The following POLR1B variants were observed in gnomAD, a reference collection of about 807,000 sequenced individuals.
The protein encoded by POLR1B is RNA polymerase I subunit B.
In POLR1B, 30 loss-of-function variants were observed where a neutral mutation model predicts 105.8. That is an observed-to-expected ratio of 0.28 (90% CI 0.21 to 0.38). The LOEUF is 0.38. Among genes scored for constraint, POLR1B ranks in the 10% least tolerant of loss-of-function variants. The pLI is 1.00. For synonymous variants in POLR1B, 485 were observed against 505.1 expected, an observed-to-expected ratio of 0.96 and a Z score of 0.53; for missense variants, 976 against 1,435.8, an observed-to-expected ratio of 0.68 and a Z score of 5.17.
Position 112,550,994 on chromosome 2 carries a change from G to T in POLR1B, c.754G>T (p.Ala252Ser), listed in dbSNP as rs759064530. 1 of 1,613,422 alleles carries T rather than the reference G, an allele frequency of 6.2e-7. No homozygotes were observed. The highest frequency in any genetic ancestry group is 8.5e-7 in the Non-Finnish European group (1 of 1,179,374). ...KELFFLPLGF[A>S]LKALVSFSDY... ...ACTGTTCTTTCTTCCTTTGGGATTT[G>T]CACTTAAGGTATGACTTAATGAATG... The change falls in exon 5 of 15, where the codon GCA (alanine) becomes TCA (serine). Residue 252 changes from alanine (A) to serine (S), a missense_variant. By Grantham distance (99) the Ala-to-Ser change is moderately conservative. Transcript: ENST00000263331.
chr2:112,544,534 T>C (rs552012131), intron 1 of POLR1B, among the ~76,000 whole-genome samples: 1 of 152,356 alleles, frequency 6.6e-6, no homozygotes, highest in Non-Finnish European at 1.5e-5. Context: ...TTATTAAAAA[T>C]CTTTTTAATG....
chr2:112,574,160 T>A (rs1422100692), intron 14 of POLR1B, among the ~76,000 whole-genome samples: 2 of 152,204 alleles, frequency 1.3e-5, no homozygotes, highest in East Asian at 1.9e-4. Flanking sequence ...GTGCTTTTTT[T>A]AAAAACTGTA....
chr2:112,575,577 CCTT>C lies in POLR1B; in HGVS notation c.3260_3262del (p.Ser1087del). On this transcript the variant is annotated inframe_deletion, in exon 15 of 15. Transcript: ENST00000263331. This position sits in a 1 kb window ranked among gnomAD's most constrained non-coding sequence, Gnocchi z 5.3. ...CTCTCCACTGTTGGAGAAGCCACCCCCTTCTTGGTCTGCCATGCGCAACAGAAA... is the reference window on the plus strand; with the variant it reads ...CTCTCCACTGTTGGAGAAGCCACCCCCTTGGTCTGCCATGCGCAACAGAAA... 1 of 1,614,162 alleles carries C rather than the reference CCTT, an allele frequency of 6.2e-7. No individual in the cohort carries two copies. The highest frequency in any genetic ancestry group is 8.5e-7 in the Non-Finnish European group (1 of 1,180,028).
At chr2:112,564,207 C>A in intron 9 of POLR1B, 159 bp from the exon 10 acceptor site, 1 of 793,898 alleles carries the variant, frequency 1.3e-6, no homozygotes, top group South Asian at 2.7e-5. Context: ...CTTGAAATAT[C>A]TGAAGTGCAG....
chr2:112,567,996 G>C lies in POLR1B; in HGVS notation c.1776G>C (p.Trp592Cys). The C allele has an allele frequency of 6.2e-7, 1 of 1,614,004 alleles. No homozygotes were observed. Residue 592 changes from tryptophan to cysteine, a missense_variant, in exon 11 of 15, where the codon TGG becomes TGC. Transcript: ENST00000263331. ...KVLREKRIPP[W>C]MEVVLIPMTG... Reference sequence around the variant, plus strand: ...TGAGAGAGAAAAGAATTCCTCCCTGGATGGAAGTGGTCCTTATACCCATGA... The same window carrying C: ...TGAGAGAGAAAAGAATTCCTCCCTGCATGGAAGTGGTCCTTATACCCATGA...
At position 112,574,871 on chromosome 2, in the gene POLR1B, T is replaced by A. The variant is rs1684790547; in HGVS notation, c.2550T>A (p.Asp850Glu). The change falls in exon 15 of 15, where the codon GAT becomes GAA. Residue 850 changes from aspartate to glutamate, a missense_variant. Around this residue, in one of 12 missense-constraint regions of POLR1B, gnomAD observed 119 missense variants for 149.7 expected, o/e 0.79. Transcript: ENST00000263331. ...YYKSKENCVVDNIKVCSNDTG... is the reference protein window; with the variant it reads ...YYKSKENCVVENIKVCSNDTG... The stretch of plus-strand genomic sequence containing the variant: ...GGAGTAAAGAAAATTGTGTTGTGGA[T>A]AACATCAAAGTGTGCAGTAATGACA... 2 of 1,610,660 alleles carry A rather than the reference T, an allele frequency of 1.2e-6. No individual in the cohort carries two copies. Among genetic ancestry groups the A allele is most frequent in the Non-Finnish European group, 1.7e-6 (2 of 1,177,170 alleles).
At chr2:112,553,171 C>T (rs1220648442) in intron 7 of POLR1B, among the ~76,000 whole-genome samples, 7 of 152,290 alleles carry the variant, frequency 4.6e-5, no homozygotes, top group African/African-American at 1.2e-4. Context: ...TGTCAGTGCT[C>T]AGTGCTTTCA....
Position 112,579,096 on chromosome 2 carries a change from T to C in POLR1B, c.*3367T>C, listed in dbSNP as rs1373783262. Among the ~76,000 whole-genome samples, 1 of 150,562 alleles carries C rather than the reference T, an allele frequency of 6.6e-6. No individual in the cohort carries two copies. Among genetic ancestry groups the C allele is most frequent in the Non-Finnish European group, 1.5e-5 (1 of 67,840 alleles). ...GATGGCACACGCCTGTAATCCCAGC[T>C]ACTCAGGAGGCTGAGACAGGAGAAT... On this transcript the variant is annotated 3_prime_UTR_variant, in exon 15 of 15. Coordinates refer to ENST00000263331, the MANE Select transcript of POLR1B (RefSeq NM_019014.6).
chr2:112,550,211 T>C (rs1388509779), intron 4 of POLR1B, among the ~76,000 whole-genome samples: 1 of 152,254 alleles, frequency 6.6e-6, no homozygotes, highest in African/African-American at 2.4e-5. Context: ...ATGTGGGCCT[T>C]GGATGTCTTC....
intron 3 of POLR1B, 42 bp downstream of exon 3, chr2:112,547,609 G>A: frequency 6.3e-7 from 1 of 1,586,062 alleles, no homozygotes; most frequent in Non-Finnish European, 8.6e-7. Context: ...GAGAAGGCCT[G>A]GGTTGGGAGT....
chr2:112,549,099 A>ACTGT (rs1683223108), intron 3 of POLR1B, among the ~76,000 whole-genome samples, 168 bp from the exon 4 acceptor site: 3 of 152,118 alleles, frequency 2.0e-5, no homozygotes, highest in Admixed American at 1.3e-4. Context: ...GAAAACTGTT[A>ACTGT]ATTCACACAA....
chr2:112,567,036 T>C (rs967581711), intron 10 of POLR1B, among the ~76,000 whole-genome samples: 21 of 152,174 alleles, frequency 1.4e-4, no homozygotes, highest in Admixed American at 5.2e-4. Context: ...CATTCTCTTT[T>C]TTTTGGTTAG....
At position 112,578,893 on chromosome 2, in the gene POLR1B, C is replaced by T. The variant is rs1684978291; in HGVS notation, c.*3164C>T. ...TGTACTGTTCTCACATATTTTCAGA[C>T]TGTGGGTAACTGAAACTGCATAAAG... On this transcript the variant is annotated 3_prime_UTR_variant, in exon 15 of 15. Coordinates refer to ENST00000263331, the MANE Select transcript of POLR1B (RefSeq NM_019014.6). 6.6e-6 allele frequency among the ~76,000 whole-genome samples: 1 copy of T among 152,048 alleles called. No individual in the cohort carries two copies. Among genetic ancestry groups the T allele is most frequent in the South Asian group, 2.1e-4 (1 of 4,828 alleles).
At chr2:112,542,904 C>T (rs1682837104) in intron 1 of POLR1B, 1 of 611,026 alleles carries the variant, frequency 1.6e-6, no homozygotes, top group Non-Finnish European at 2.8e-6. Context: ...TGATTGTGAA[C>T]CGTAGTTTGG....
At chr2:112,564,202 A>G in intron 9 of POLR1B, 164 bp from the exon 10 acceptor site, 2 of 764,270 alleles carry the variant, frequency 2.6e-6, no homozygotes, top group Non-Finnish European at 4.0e-6. Flanking sequence ...GCCTGCTTGA[A>G]ATATCTGAAG....
chr2:112,574,198 A>G (rs1048857284), intron 14 of POLR1B, among the ~76,000 whole-genome samples: 22 of 152,234 alleles, frequency 1.4e-4, no homozygotes, highest in African/African-American at 5.1e-4. Flanking sequence ...TCTTTCTCAC[A>G]TACAATGTTA....
intron 9 of POLR1B, among the ~76,000 whole-genome samples, chr2:112,561,046 C>G (rs879370651): frequency 1.4e-5 from 2 of 144,974 alleles, no homozygotes; most frequent in African/African-American, 2.5e-5. Flanking sequence ...GCCTGGGTGA[C>G]AGAGTGAGAC....
chr2:112,546,299 A>G (rs1051818934), intron 1 of POLR1B, among the ~76,000 whole-genome samples: 21 of 152,216 alleles, frequency 1.4e-4, no homozygotes, highest in Admixed American at 1.3e-3. Context: ...CTAGTCTTAA[A>G]TCCTAAAGGA....
intron 12 of POLR1B, among the ~76,000 whole-genome samples, chr2:112,569,256 C>T (rs945109297): frequency 3.3e-5 from 5 of 152,332 alleles, no homozygotes; most frequent in African/African-American, 1.2e-4. Flanking sequence ...GCATATTTAT[C>T]ACTTCCAGTC....
Sources: gnomAD v4.1 joint callset for allele counts (sites outside exome capture counted in the v4.1 genomes callset) on GRCh38, gnomAD v4.1.1 for gene constraint, gnomAD v4.1.1 regional missense constraint, Gnocchi (gnomAD v3.1) non-coding constraint, MANE v1.5 for transcripts, NCBI Gene and HGNC (gene_info 2026-07-23, HGNC 2026-07-21) for gene names.